LRCH2: variants seen among roughly 807,000 people sequenced by gnomAD.
LRCH2 encodes leucine-rich repeat and calponin homology domain-containing protein 2.
LRCH2 carries 38 observed loss-of-function variants against 68.9 expected under a neutral mutation model. The observed-to-expected ratio is 0.55, with a 90% CI of 0.43 to 0.72. The LOEUF is 0.72. Ranked by LOEUF, LRCH2 falls within the 30% of genes least tolerant of loss-of-function variation. LRCH2 has a pLI of 0.00. For missense variants in LRCH2, 528 were observed against 572.9 expected, an observed-to-expected ratio of 0.92 and a Z score of 0.80; for synonymous variants, 191 against 208.1, an observed-to-expected ratio of 0.92 and a Z score of 0.71.
At chrX:115,156,549 G>T in intron 12 of LRCH2, 53 bp downstream of exon 12, 1 of 811,701 alleles carries the variant, frequency 1.2e-6, no homozygotes, top group South Asian at 2.8e-5. Flanking sequence ...CACTGTCAAA[G>T]GATCAATACT....
intron 1 of LRCH2, among the ~76,000 whole-genome samples, chrX:115,197,486 T>TAAC (rs1464072395): frequency 9.0e-6 from 1 of 111,508 alleles, no homozygotes; most frequent in Non-Finnish European, 1.9e-5. Context: ...GTGTGGTGGC[T>TAAC]AACACCTACA....
intron 1 of LRCH2, among the ~76,000 whole-genome samples, chrX:115,223,653 C>T (rs1409114560): frequency 9.1e-6 from 1 of 110,083 alleles, no homozygotes; most frequent in Non-Finnish European, 1.9e-5. Context: ...CGGTGGCTCA[C>T]GCTTGTAATC....
chrX:115,122,310 C>T (rs2072151049), intron 20 of LRCH2, among the ~76,000 whole-genome samples: 1 of 110,308 alleles, frequency 9.1e-6, no homozygotes, highest in African/African-American at 3.3e-5. Flanking sequence ...GCATGATTTT[C>T]CATATTTGTA....
chrX:115,144,401 G>A (rs1339310991), intron 14 of LRCH2, among the ~76,000 whole-genome samples: 2 of 110,791 alleles, frequency 1.8e-5, no homozygotes, highest in African/African-American at 6.6e-5. Context: ...AGATGACAGG[G>A]ATGCACATTG....
At chrX:115,186,132 G>T (rs181373990) in intron 2 of LRCH2, among the ~76,000 whole-genome samples, 1 of 111,380 alleles carries the variant, frequency 9.0e-6, no homozygotes, top group Non-Finnish European at 1.9e-5. Flanking sequence ...AGGCCGAGGC[G>T]GGCAAATCAT....
At chrX:115,228,309 T>A (rs116608346) in intron 1 of LRCH2, among the ~76,000 whole-genome samples, 2,767 of 110,956 alleles carry the variant, frequency 0.025, 89 homozygotes, top group African/African-American at 0.087. Flanking sequence ...ATTATAAGAG[T>A]ATTACAATGT....
intron 1 of LRCH2, among the ~76,000 whole-genome samples, chrX:115,228,594 C>CCTAG (rs1158617853): frequency 1.8e-5 from 2 of 111,390 alleles, no homozygotes; most frequent in Non-Finnish European, 3.8e-5. Flanking sequence ...AGTAAGTGTC[C>CCTAG]CTAGCATTAC....
In LRCH2 at chrX:115,190,093, G is replaced by A. The variant is rs781893493; in HGVS notation, c.350-1723C>T. On this transcript the variant is annotated intron_variant, in intron 1 of 20. Coordinates refer to ENST00000317135, the MANE Select transcript of LRCH2 (RefSeq NM_020871.4). ...CCGGTCAAGCCTGGCTCGCATTGGC[G>A]GCAGTGGAATGCCTGGGAAGGCCCC... 154 of 1,154,111 alleles carry A rather than the reference G, an allele frequency of 1.3e-4. No individual in the cohort carries two copies. The African/African-American group carries it at 1.4e-3, about 11-fold the overall frequency.
At chrX:115,217,996 T>C (rs1157003006) in intron 1 of LRCH2, among the ~76,000 whole-genome samples, 2 of 111,977 alleles carry the variant, frequency 1.8e-5, no homozygotes, top group African/African-American at 6.5e-5. Flanking sequence ...TGAACTTTTT[T>C]TCTTATGTTT....
chrX:115,191,556 C>T lies in LRCH2; in HGVS notation c.350-3186G>A, dbSNP rs782569242. On this transcript the variant is annotated intron_variant, in intron 1 of 20. Coordinates refer to ENST00000317135, the MANE Select transcript of LRCH2 (RefSeq NM_020871.4). ...GCCAGAGCAACCGCTATGGAGGAGG[C>T]GGCCGCTACGAGGAGTACCGAGGCC... is the stretch of plus-strand genomic sequence containing the variant. The T allele has an allele frequency of 2.2e-5, 21 of 976,271 alleles. No individual in the cohort carries two copies. The East Asian group carries it at 2.7e-4, about 13-fold the overall frequency. 80.5% of individuals were successfully genotyped at this position (976,271 alleles called of 1,213,427 possible).
At chrX:115,174,591 ACCCC>A (rs59540810) in intron 5 of LRCH2, among the ~76,000 whole-genome samples, 6 of 88,811 alleles carry the variant, frequency 6.8e-5, no homozygotes, top group Admixed American at 2.4e-4. Flanking sequence ...ACACAAACAC[ACCCC>A]CCCCCCCACA....
At chrX:115,199,312 A>G (rs782763354) in intron 1 of LRCH2, among the ~76,000 whole-genome samples, 39 of 112,387 alleles carry the variant, frequency 3.5e-4, no homozygotes, top group Non-Finnish European at 5.8e-4. Flanking sequence ...ATCAATATAA[A>G]CCTTGAAAAT....
At chrX:115,139,323 T>C (rs2072316501) in intron 14 of LRCH2, among the ~76,000 whole-genome samples, 1 of 112,148 alleles carries the variant, frequency 8.9e-6, no homozygotes, top group South Asian at 3.7e-4. Flanking sequence ...ATGAAATCAA[T>C]ATGTATTTTA....
At chrX:115,131,274 G>C (rs2072242696) in intron 14 of LRCH2, among the ~76,000 whole-genome samples, 1 of 88,161 alleles carries the variant, frequency 1.1e-5, no homozygotes, top group South Asian at 5.4e-4. Context: ...CACCATGACA[G>C]GCCCTAGTGT....
At chrX:115,194,260 C>A (rs1556562489) in intron 1 of LRCH2, among the ~76,000 whole-genome samples, 1 of 111,258 alleles carries the variant, frequency 9.0e-6, no homozygotes, top group African/African-American at 3.3e-5. Context: ...CCTCCTCCCA[C>A]CATAAAATTC....
At chrX:115,150,227 A>C (rs2072422017) in intron 12 of LRCH2, among the ~76,000 whole-genome samples, 157 bp from the exon 13 acceptor site, 1 of 111,337 alleles carries the variant, frequency 9.0e-6, no homozygotes, top group African/African-American at 3.3e-5. Flanking sequence ...GTTGACAGAA[A>C]TATATTTAAG....
rs1275511156 is a variant in LRCH2, at chrX:115,117,869, G to A, written c.2179-4534C>T. Among the ~76,000 whole-genome samples the A allele has an allele frequency of 2.7e-5, 3 of 110,536 alleles. No individual in the cohort carries two copies. In the Admixed American group the frequency reaches 2.9e-4, roughly 11 times the overall value. On this transcript the variant is annotated intron_variant, in intron 20 of 20. Coordinates refer to ENST00000317135, the MANE Select transcript of LRCH2 (RefSeq NM_020871.4). ...TTTTGACTGTGGTGATGATTTCATG[G>A]TGTATGCATATGTCAAAATTGATCA...
intron 2 of LRCH2, among the ~76,000 whole-genome samples, chrX:115,187,531 T>G (rs782028076): frequency 8.9e-6 from 1 of 112,278 alleles, no homozygotes; most frequent in South Asian, 3.7e-4. Context: ...TACCACTTGC[T>G]GAATATATCT....
chrX:115,122,750 C>A lies in LRCH2; in HGVS notation c.2100+10G>T. 2.5e-6 allele frequency: 3 copies of A among 1,207,067 alleles called. No individual in the cohort carries two copies. In the South Asian group the frequency reaches 5.4e-5, roughly 22 times the overall value. On this transcript the variant is annotated intron_variant, in intron 19 of 20. Coordinates refer to ENST00000317135, the MANE Select transcript of LRCH2 (RefSeq NM_020871.4). Reference sequence around the variant, plus strand: ...CTTTAGAGAACTAACAAATTGTAAACAAAACTTACCACTGCTGGTGATGGT... The same window carrying A: ...CTTTAGAGAACTAACAAATTGTAAAAAAAACTTACCACTGCTGGTGATGGT...
Sources: gnomAD v4.1 joint callset for allele counts (sites outside exome capture counted in the v4.1 genomes callset) on GRCh38, gnomAD v4.1.1 for gene constraint, MANE v1.5 for transcripts, NCBI Gene and HGNC (gene_info 2026-07-23, HGNC 2026-07-21) for gene names.